Variants in GALNTL6 observed in about 807,000 individuals in gnomAD.
The protein encoded by GALNTL6 is polypeptide N-acetylgalactosaminyltransferase like 6.
A neutral mutation model predicts 73.7 loss-of-function variants in GALNTL6; 46 were observed. That is an observed-to-expected ratio of 0.62 (90% CI 0.49 to 0.80). The LOEUF (loss-of-function observed/expected upper bound fraction) is 0.80. Ranked by LOEUF, GALNTL6 falls within the 30% of genes least tolerant of loss-of-function variation. GALNTL6 has a pLI of 0.00. For missense variants in GALNTL6, 604 were observed against 755.0 expected (o/e 0.80, Z 2.34); for synonymous variants, 259 against 263.7 (o/e 0.98, Z 0.17).
chr4:172,967,649 G>GAA (rs1427993301), intron 10 of GALNTL6, among the ~76,000 whole-genome samples: 2 of 152,074 alleles, frequency 1.3e-5, no homozygotes, highest in African/African-American at 4.8e-5. Context: ...GGAACAGAGA[G>GAA]AGAGAGAGAC....
At chr4:171,853,012 A>ATTC (rs1553964539) in intron 2 of GALNTL6, among the ~76,000 whole-genome samples, 1 of 86,834 alleles carries the variant, frequency 1.2e-5, no homozygotes, top group Non-Finnish European at 2.1e-5. Flanking sequence ...CGCCCGGCTA[A>ATTC]TTTTTTTTTT....
intron 12 of GALNTL6, among the ~76,000 whole-genome samples, chr4:173,026,444 T>C (rs1753235709): frequency 6.6e-6 from 1 of 152,184 alleles, no homozygotes; most frequent in African/African-American, 2.4e-5. Context: ...GAACCATTCT[T>C]AAGGCCGGAG....
At chr4:172,832,836 C>T (rs1742709302) in intron 7 of GALNTL6, among the ~76,000 whole-genome samples, 1 of 152,228 alleles carries the variant, frequency 6.6e-6, no homozygotes, top group South Asian at 2.1e-4. Flanking sequence ...CTTGGGTTTT[C>T]ACTAGACAGG....
intron 11 of GALNTL6, among the ~76,000 whole-genome samples, chr4:173,011,798 C>T (rs544385272): frequency 6.6e-6 from 1 of 152,260 alleles, no homozygotes; most frequent in Admixed American, 6.5e-5. Flanking sequence ...TGATTTCTAA[C>T]CCTCTTAGAA....
intron 2 of GALNTL6, among the ~76,000 whole-genome samples, chr4:172,224,466 A>T (rs1736786127): frequency 6.6e-6 from 1 of 152,228 alleles, no homozygotes; most frequent in Admixed American, 6.5e-5. Flanking sequence ...GAAAACTAAG[A>T]TAGGTTTTAG....
intron 5 of GALNTL6, among the ~76,000 whole-genome samples, chr4:172,429,364 A>G (rs1196010291): frequency 3.3e-5 from 5 of 151,890 alleles, no homozygotes. Flanking sequence ...GGCGTGCACC[A>G]CTACGCCTGG....
At chr4:171,880,110 AG>A (rs1264030056) in intron 2 of GALNTL6, among the ~76,000 whole-genome samples, 1 of 152,168 alleles carries the variant, frequency 6.6e-6, no homozygotes, top group East Asian at 1.9e-4. Context: ...AATTCTAAAA[AG>A]GAAAGTCTTC....
At chr4:172,345,094 GTT>G (rs34057253) in intron 4 of GALNTL6, among the ~76,000 whole-genome samples, 5,362 of 141,600 alleles carry the variant, frequency 0.038, 101 homozygotes, top group South Asian at 0.039. Context: ...AAGAGGTATT[GTT>G]TTTTTTTTTT....
intron 5 of GALNTL6, among the ~76,000 whole-genome samples, chr4:172,666,353 C>A (rs531801779): frequency 1.4e-4 from 21 of 152,230 alleles, no homozygotes; most frequent in Non-Finnish European, 2.1e-4. Flanking sequence ...TTATCAGAAT[C>A]AAAATGGAGT....
intron 5 of GALNTL6, among the ~76,000 whole-genome samples, chr4:172,721,529 T>C (rs1446680806): frequency 1.3e-5 from 2 of 152,216 alleles, no homozygotes; most frequent in Non-Finnish European, 2.9e-5. Context: ...GATTTCAATC[T>C]TCAGCTTTCT....
At chr4:172,782,180 G>A (rs542189805) in intron 5 of GALNTL6, among the ~76,000 whole-genome samples, 7 of 152,048 alleles carry the variant, frequency 4.6e-5, no homozygotes, top group African/African-American at 1.4e-4. Context: ...TTTTACTTTT[G>A]TAATATTTCA....
chr4:172,985,329 G>A (rs1751245429), intron 10 of GALNTL6, among the ~76,000 whole-genome samples: 2 of 151,460 alleles, frequency 1.3e-5, no homozygotes, highest in Non-Finnish European at 2.9e-5. Flanking sequence ...AAGATTAATT[G>A]CAATAATAAT....
intron 5 of GALNTL6, among the ~76,000 whole-genome samples, chr4:172,585,150 GTGTTAAA>G (rs1737353506): frequency 1.3e-5 from 2 of 151,994 alleles, no homozygotes; most frequent in South Asian, 4.1e-4. Flanking sequence ...GAGAGGGGAT[GTGTTAAA>G]TCTTGGGGTT....
At chr4:172,854,581 T>C (rs140441834) in intron 7 of GALNTL6, among the ~76,000 whole-genome samples, 7 of 152,282 alleles carry the variant, frequency 4.6e-5, no homozygotes, top group African/African-American at 1.7e-4. Flanking sequence ...CAGAATAGCC[T>C]AAATTTTCCC....
At chr4:172,482,628 A>G (rs1294160428) in intron 5 of GALNTL6, among the ~76,000 whole-genome samples, 1 of 152,238 alleles carries the variant, frequency 6.6e-6, no homozygotes, top group African/African-American at 2.4e-5. Context: ...CACAAGTTAA[A>G]TACACTAGAC....
chr4:172,688,350 T>A (rs1447250537), intron 5 of GALNTL6, among the ~76,000 whole-genome samples: 1 of 152,136 alleles, frequency 6.6e-6, no homozygotes, highest in Admixed American at 6.5e-5. Flanking sequence ...AAATTGGAGG[T>A]TGTAAATGTA....
chr4:171,853,526 T>C (rs1039640497), intron 2 of GALNTL6, among the ~76,000 whole-genome samples: 6 of 150,930 alleles, frequency 4.0e-5, no homozygotes, highest in Non-Finnish European at 8.9e-5. Context: ...TTTTCCTTTA[T>C]CTTGCCTTTC....
At chr4:172,597,655 G>C (rs1737907340) in intron 5 of GALNTL6, among the ~76,000 whole-genome samples, 1 of 152,128 alleles carries the variant, frequency 6.6e-6, no homozygotes, top group African/African-American at 2.4e-5. Flanking sequence ...CATATCCTTA[G>C]AGACTTCATA....
chr4:172,365,955 C>A (rs1021713944), intron 5 of GALNTL6, among the ~76,000 whole-genome samples: 9 of 152,114 alleles, frequency 5.9e-5, no homozygotes, highest in Admixed American at 3.3e-4. Context: ...TGTAAAAAAG[C>A]AGCAATTCAT....
Sources: gnomAD v4.1 joint callset for allele counts (sites outside exome capture counted in the v4.1 genomes callset) on GRCh38, gnomAD v4.1.1 for gene constraint, MANE v1.5 for transcripts, NCBI Gene and HGNC (gene_info 2026-07-23, HGNC 2026-07-21) for gene names.